MED13L: variants seen among roughly 807,000 people sequenced by gnomAD.
MED13L encodes mediator complex subunit 13L.
MED13L carries 7 observed loss-of-function variants against 220.9 expected under a neutral mutation model. The ratio of observed to expected loss-of-function variants is 0.03; its 90% confidence interval spans 0.02 to 0.06. MED13L has a LOEUF of 0.06. Among genes scored for constraint, MED13L ranks in the 10% least tolerant of loss-of-function variants. The pLI is 1.00. For missense variants in MED13L, 1,965 were observed against 2,760.5 expected (o/e 0.71, Z 6.46); for synonymous variants, 1,011 against 1,015.2 (o/e 1.00, Z 0.08).
chr12:116,009,173 A>T, intron 9 of MED13L, 41 bp from the exon 10 acceptor site: 2 of 1,610,670 alleles, frequency 1.2e-6, no homozygotes, highest in Non-Finnish European at 1.7e-6. Flanking sequence ...TAACATTAAG[A>T]AAAGAGATTC....
intron 4 of MED13L, among the ~76,000 whole-genome samples, chr12:116,085,631 T>G (rs962418329): frequency 6.6e-6 from 1 of 152,090 alleles, no homozygotes. Context: ...AAAATTATGA[T>G]GTACACTGGA....
intron 2 of MED13L, among the ~76,000 whole-genome samples, chr12:116,180,253 C>T (rs1420603808): frequency 6.6e-6 from 1 of 152,114 alleles, no homozygotes; most frequent in African/African-American, 2.4e-5. Context: ...GTTGAGCATT[C>T]CAAATACAAA....
intron 4 of MED13L, among the ~76,000 whole-genome samples, chr12:116,055,083 C>T (rs1043743907): frequency 2.0e-5 from 3 of 152,066 alleles, no homozygotes; most frequent in East Asian, 1.9e-4. Flanking sequence ...ATAAAGTATA[C>T]GCTATTAACT....
chr12:116,028,364 T>A (rs983255564), intron 4 of MED13L, among the ~76,000 whole-genome samples: 1 of 152,186 alleles, frequency 6.6e-6, no homozygotes, highest in Non-Finnish European at 1.5e-5. Context: ...CCTGAACCTT[T>A]ACTCACCCCA....
intron 27 of MED13L, among the ~76,000 whole-genome samples, chr12:115,969,725 C>T (rs938043717): frequency 6.6e-6 from 1 of 151,942 alleles, no homozygotes; most frequent in Admixed American, 6.6e-5. Context: ...GGTTTCACCA[C>T]GTTGGCCAGG....
intron 4 of MED13L, among the ~76,000 whole-genome samples, chr12:116,090,381 T>C (rs1421597702): frequency 6.6e-6 from 1 of 152,212 alleles, no homozygotes; most frequent in Non-Finnish European, 1.5e-5. Flanking sequence ...TCTACAAACA[T>C]GTTCTTTTAA....
Position 116,009,010 on chromosome 12 carries a change from T to C in MED13L, c.1403A>G (p.Lys468Arg), listed in dbSNP as rs1433132970. The C allele has an allele frequency of 6.2e-7, 1 of 1,613,984 alleles. No individual in the cohort carries two copies. Among genetic ancestry groups the C allele is most frequent in the African/African-American group, 1.3e-5 (1 of 74,904 alleles). The change falls in exon 10 of 31, where the codon AAA becomes AGA. Residue 468 changes from lysine to arginine, a missense_variant. Coordinates refer to ENST00000281928, the MANE Select transcript of MED13L (RefSeq NM_015335.5). ...SLPPPASSKH[K>R]TAERQEKGDK... ...TCCTTTTTCCTGTCTTTCTGCTGTTTTGTGCTTAGAAGAAGCAGGAGGTGG... is the reference window on the plus strand; with the variant it reads ...TCCTTTTTCCTGTCTTTCTGCTGTTCTGTGCTTAGAAGAAGCAGGAGGTGG...
chr12:116,161,098 A>G (rs1222176675), intron 2 of MED13L, among the ~76,000 whole-genome samples: 1 of 152,148 alleles, frequency 6.6e-6, no homozygotes, highest in Non-Finnish European at 1.5e-5. Context: ...AGAGCAAGAG[A>G]CGGTGCACAC....
chr12:116,206,189 T>C (rs1313934261), intron 2 of MED13L, among the ~76,000 whole-genome samples: 1 of 149,354 alleles, frequency 6.7e-6, no homozygotes, highest in African/African-American at 2.5e-5. Context: ...CAAGCAGTTC[T>C]CCTGCCTCAG....
At chr12:116,239,430 T>C (rs1042018235) in intron 1 of MED13L, among the ~76,000 whole-genome samples, 4 of 152,178 alleles carry the variant, frequency 2.6e-5, no homozygotes, top group African/African-American at 9.7e-5. Flanking sequence ...CCTTCCTCTT[T>C]TTCTGTACAT....
chr12:116,045,003 T>C (rs1224048784), intron 4 of MED13L, among the ~76,000 whole-genome samples: 2 of 152,138 alleles, frequency 1.3e-5, no homozygotes, highest in East Asian at 1.9e-4. Flanking sequence ...AAAAAGGGTA[T>C]AGTAAGAGAC....
chr12:116,227,540 A>G (rs575955386), intron 2 of MED13L, among the ~76,000 whole-genome samples: 2 of 152,252 alleles, frequency 1.3e-5, no homozygotes, highest in Non-Finnish European at 1.5e-5. Flanking sequence ...CATTATTATA[A>G]TATCTGTTAT....
At chr12:116,067,149 G>A (rs776108006) in intron 4 of MED13L, among the ~76,000 whole-genome samples, 1 of 151,970 alleles carries the variant, frequency 6.6e-6, no homozygotes, top group African/African-American at 2.4e-5. Context: ...ATTATAAACA[G>A]AGAATATGAA....
chr12:116,258,885 G>C (rs1223280741), intron 1 of MED13L, among the ~76,000 whole-genome samples: 1 of 145,364 alleles, frequency 6.9e-6, no homozygotes, highest in Admixed American at 6.9e-5. Context: ...AATCTCACGA[G>C]AAATCCAAAA....
At chr12:116,033,591 C>T (rs1880987767) in intron 4 of MED13L, among the ~76,000 whole-genome samples, 1 of 152,050 alleles carries the variant, frequency 6.6e-6, no homozygotes, top group East Asian at 1.9e-4. Flanking sequence ...AAAAAAAGAC[C>T]ATCAAAATAT....
intron 2 of MED13L, among the ~76,000 whole-genome samples, chr12:116,234,396 TTTTG>T (rs1378821165): frequency 6.6e-6 from 1 of 151,800 alleles, no homozygotes; most frequent in Non-Finnish European, 1.5e-5. Flanking sequence ...CCCAGCTAAT[TTTTG>T]TTTATTTTTA....
intron 2 of MED13L, among the ~76,000 whole-genome samples, chr12:116,137,858 T>C (rs1876700329): frequency 6.7e-6 from 1 of 148,948 alleles, no homozygotes. Context: ...GGTAATTTTT[T>C]TTTTTTTTTT....
At chr12:116,228,110 C>T (rs1210929068) in intron 2 of MED13L, among the ~76,000 whole-genome samples, 1 of 152,098 alleles carries the variant, frequency 6.6e-6, no homozygotes, top group Non-Finnish European at 1.5e-5. Flanking sequence ...GGCACAAACT[C>T]TCTTCAATTC....
Position 116,148,559 on chromosome 12 carries a change from C to T in MED13L, c.311-37047G>A, listed in dbSNP as rs1555216314. The stretch of plus-strand genomic sequence containing the variant: ...TCAAGTTGACAATCCATACTAAAAA[C>T]TTCTTTGCTTGTTTTATTTCTATAT... On this transcript the variant is annotated intron_variant, in intron 2 of 30. Coordinates refer to ENST00000281928, the MANE Select transcript of MED13L (RefSeq NM_015335.5). 7 of 313,288 alleles carry T rather than the reference C, an allele frequency of 2.2e-5. No homozygotes were observed. In the Admixed American group the frequency reaches 2.3e-4, roughly 10 times the overall value. 19.4% of individuals were successfully genotyped at this position (313,288 alleles called of 1,614,324 possible).
Sources: allele counts gnomAD v4.1 joint callset (sites outside exome capture counted in the v4.1 genomes callset), GRCh38; gene constraint gnomAD v4.1.1; transcripts MANE v1.5; gene names NCBI Gene and HGNC (gene_info 2026-07-23, HGNC 2026-07-21).